The following ZNF415 variants were observed in gnomAD, a reference collection of about 807,000 sequenced individuals.
ZNF415 encodes zinc finger protein 415.
Under a neutral mutation model 7.3 loss-of-function variants are expected in ZNF415, and 5 were observed. That is an observed-to-expected ratio of 0.69 (90% confidence interval 0.36 to 1.44). The LOEUF (loss-of-function observed/expected upper bound fraction) is 1.44, where lower values mean the gene tolerates loss of function less well. ZNF415 is among the 40% of genes most tolerant of loss of function. The probability of loss-of-function intolerance (pLI) is 0.04; values close to 1 mark genes in which losing one functional copy is unlikely to be tolerated. For synonymous variants in ZNF415, 207 were observed against 226.3 expected (o/e 0.91, Z 0.77); for missense variants, 628 against 664.8 (o/e 0.94, Z 0.61).
intron 1 of ZNF415, among the ~76,000 whole-genome samples, chr19:53,130,683 G>A (rs1038043756): frequency 2.6e-5 from 4 of 151,610 alleles, no homozygotes; most frequent in Non-Finnish European, 5.9e-5. Context: ...TTTTTCAGAC[G>A]CAGTCTTGCT....
At chr19:53,131,896 C>G (rs2146748029) in intron 1 of ZNF415, among the ~76,000 whole-genome samples, 1 of 152,026 alleles carries the variant, frequency 6.6e-6, no homozygotes, top group South Asian at 2.1e-4. Flanking sequence ...GTGGTTCTCC[C>G]TCTGCTTCTC....
chr19:53,130,926 G>A (rs2089987558), intron 1 of ZNF415, among the ~76,000 whole-genome samples: 1 of 152,114 alleles, frequency 6.6e-6, no homozygotes, highest in South Asian at 2.1e-4. Flanking sequence ...TTACAGGCAT[G>A]AGCCACCATG....
chr19:53,130,610 G>A (rs980569019), intron 1 of ZNF415, among the ~76,000 whole-genome samples: 2 of 151,928 alleles, frequency 1.3e-5, no homozygotes, highest in Non-Finnish European at 2.9e-5. Context: ...AAGGGAATTA[G>A]TAAGAAAAAA....
At chr19:53,128,973 T>C (rs2089664997) in intron 1 of ZNF415, among the ~76,000 whole-genome samples, 1 of 148,318 alleles carries the variant, frequency 6.7e-6, no homozygotes, top group Non-Finnish European at 1.5e-5. Context: ...GTGTCCGATG[T>C]GGTGATGGAT....
At chr19:53,112,037 G>T (rs1041467158) in intron 3 of ZNF415, among the ~76,000 whole-genome samples, 1 of 152,024 alleles carries the variant, frequency 6.6e-6, no homozygotes, top group African/African-American at 2.4e-5. Flanking sequence ...CGCCTCCCAG[G>T]TTCAAGCAAT....
At chr19:53,119,234 ACCGAG>A (rs2087571884) in intron 2 of ZNF415, among the ~76,000 whole-genome samples, 1 of 151,964 alleles carries the variant, frequency 6.6e-6, no homozygotes, top group African/African-American at 2.4e-5. Context: ...GTGAGCCCAG[ACCGAG>A]CCACTGCACT....
chr19:53,109,900 G>A lies in ZNF415; in HGVS notation c.145C>T (p.Arg49Cys), dbSNP rs547281483. ...GCTAGTTCCTTGATTACACAGTTAC[G>A]AGACAGATCTATAAGAAATGAAAAC... ...YRNLVSLDLS[R>C]NCVIKELAPQ... The change falls in exon 4 of 4, where the codon CGT (arginine) becomes TGT (cysteine). Residue 49 changes from arginine to cysteine, a missense_variant. Arg to Cys is a radical substitution (Grantham distance 180). Transcript: ENST00000243643. The A allele has an allele frequency of 1.2e-5, 19 of 1,572,972 alleles. No homozygotes were observed. In the Admixed American group the frequency reaches 1.2e-4, roughly 10 times the overall value.
At chr19:53,125,544 C>T (rs1033840175) in intron 1 of ZNF415, among the ~76,000 whole-genome samples, 16 of 152,020 alleles carry the variant, frequency 1.1e-4, no homozygotes, top group Admixed American at 3.3e-4. Context: ...CACTATGTTA[C>T]CTAGGCTCGT....
chr19:53,115,631 C>A, intron 3 of ZNF415: 1 of 1,168,386 alleles, frequency 8.6e-7, no homozygotes, highest in Admixed American at 2.0e-5. Context: ...TCCTACAGAA[C>A]TCTCCCACTT....
chr19:53,122,797 T>G, intron 1 of ZNF415, 54 bp from the exon 2 acceptor site: 1 of 1,376,170 alleles, frequency 7.3e-7, no homozygotes, highest in Non-Finnish European at 1.0e-6. Flanking sequence ...CACCCCCTCT[T>G]GTGTGACAAG....
At chr19:53,126,477 C>G (rs900481584) in intron 1 of ZNF415, among the ~76,000 whole-genome samples, 2 of 143,410 alleles carry the variant, frequency 1.4e-5, no homozygotes, top group African/African-American at 2.5e-5. Context: ...AGACCCAGAT[C>G]CTTGGGTCTT....
At chr19:53,122,813 A>G in intron 1 of ZNF415, 70 bp from the exon 2 acceptor site, 1 of 1,233,834 alleles carries the variant, frequency 8.1e-7, no homozygotes, top group Non-Finnish European at 1.2e-6. Context: ...ACAAGCACAC[A>G]CATACACAGG....
chr19:53,114,424 A>T (rs59780072), intron 3 of ZNF415, among the ~76,000 whole-genome samples: 23,725 of 152,108 alleles, frequency 0.16, 2,399 homozygotes, highest in African/African-American at 0.29. Flanking sequence ...CACCTCAGCC[A>T]CCCAGAGTGC....
chr19:53,113,324 C>T lies in ZNF415; in HGVS notation c.136+2989G>A, dbSNP rs1404659269. ...GAGATCGAGACCATCCTGGCTAACACGGTGAAACCCCGTCTCTACTAAAAA... is the reference window on the plus strand; with the variant it reads ...GAGATCGAGACCATCCTGGCTAACATGGTGAAACCCCGTCTCTACTAAAAA... On this transcript the variant is annotated intron_variant, in intron 3 of 3. Coordinates refer to ENST00000243643, the MANE Select transcript of ZNF415 (RefSeq NM_018355.4). Among the ~76,000 whole-genome samples the T allele has an allele frequency of 2.3e-5, 2 of 85,924 alleles. 1 individual carries two copies. The highest frequency in any genetic ancestry group is 4.7e-5 in the Non-Finnish European group (2 of 42,684). The allele number at this position is 85,924 out of a possible 152,430, so 56.4% of individuals were successfully genotyped here.
intron 2 of ZNF415, chr19:53,122,274 A>G: frequency 1.0e-6 from 1 of 997,248 alleles, no homozygotes; most frequent in Non-Finnish European, 1.5e-6. Flanking sequence ...CAAAAAACAA[A>G]AACAACAAAA....
intron 3 of ZNF415, among the ~76,000 whole-genome samples, chr19:53,114,052 A>C (rs1007050865): frequency 2.0e-5 from 3 of 152,058 alleles, no homozygotes; most frequent in African/African-American, 7.2e-5. Context: ...TTCCCTCATA[A>C]ATTTTCTGTT....
Position 53,127,801 on chromosome 19 carries a change from T to C in ZNF415, c.-68+5055A>G, listed in dbSNP as rs111797486. Among the ~76,000 whole-genome samples the C allele has an allele frequency of 1.3e-3, 186 of 148,612 alleles. 1 individual carries two copies. The highest frequency in any genetic ancestry group is 4.0e-3 in the African/African-American group (158 of 39,972). ...CTGAGGCACGCGAATCGCTTGAACC[T>C]AGGAGGTGGAGGTTGCAGTGGGCCA... On this transcript the variant is annotated intron_variant, in intron 1 of 3. Coordinates refer to ENST00000243643, the MANE Select transcript of ZNF415 (RefSeq NM_018355.4).
intron 3 of ZNF415, among the ~76,000 whole-genome samples, 178 bp from the exon 4 acceptor site, chr19:53,110,086 G>C (rs1601004434): frequency 6.8e-6 from 1 of 147,342 alleles, no homozygotes; most frequent in African/African-American, 2.5e-5. Context: ...AGTAAAAAAA[G>C]GGTGATTACA....
rs1215277711 is a variant in ZNF415, at chr19:53,109,497, G to A, written c.548C>T (p.Ser183Phe). 1 of 1,614,030 alleles carries A rather than the reference G, an allele frequency of 6.2e-7. No homozygotes were observed. The highest frequency in any genetic ancestry group is 1.7e-5 in the Admixed American group (1 of 60,008). Residue 183 changes from serine (S) to phenylalanine (F), a missense_variant, in exon 4 of 4, where the codon TCT (serine) becomes TTT (phenylalanine). Ser to Phe is a radical substitution (Grantham distance 155). Transcript: ENST00000243643. ...SSVSPPQIIS[S>F]TIKTHVSNKY... ...ATTAGAAACATGGGTTTTGATGGTA[G>A]AAGAAATTATTTGGGGTGGTGAAAC...
Sources: allele counts gnomAD v4.1 joint callset (sites outside exome capture counted in the v4.1 genomes callset), GRCh38; gene constraint gnomAD v4.1.1; transcripts MANE v1.5; gene names NCBI Gene and HGNC (gene_info 2026-07-23, HGNC 2026-07-21).